Variants in CCSER1 observed in about 807,000 individuals in gnomAD.
CCSER1 encodes the protein serine-rich coiled-coil domain-containing protein 1.
CCSER1 carries 41 observed loss-of-function variants against 82.0 expected under a neutral mutation model. The observed-to-expected ratio is 0.50, with a 90% confidence interval of 0.39 to 0.65. The LOEUF (loss-of-function observed/expected upper bound fraction) is 0.65, where lower values mean the gene tolerates loss of function less well. Ranked by LOEUF, CCSER1 falls within the 30% of genes least tolerant of loss-of-function variation. CCSER1 has a pLI of 0.00. For synonymous variants in CCSER1, 414 were observed against 383.9 expected, an observed-to-expected ratio of 1.08 and a Z score of -0.92; for missense variants, 1,119 against 1,064.2, an observed-to-expected ratio of 1.05 and a Z score of -0.72.
intron 10 of CCSER1, among the ~76,000 whole-genome samples, chr4:91,412,545 A>T (rs1753119743): frequency 6.6e-6 from 1 of 152,082 alleles, no homozygotes; most frequent in Non-Finnish European, 1.5e-5. Context: ...TCCTTATGGA[A>T]GTCCAACCCA....
intron 10 of CCSER1, among the ~76,000 whole-genome samples, chr4:91,315,974 A>C (rs1745801493): frequency 6.6e-6 from 1 of 151,944 alleles, no homozygotes; most frequent in African/African-American, 2.4e-5. Context: ...GTGGGAGGTA[A>C]TTTAATCATA....
intron 9 of CCSER1, among the ~76,000 whole-genome samples, chr4:90,993,761 T>G (rs1410417133): frequency 6.6e-6 from 1 of 152,068 alleles, no homozygotes; most frequent in African/African-American, 2.4e-5. Flanking sequence ...CACACCCTCA[T>G]TATTTAATTA....
At chr4:91,505,808 A>G (rs1306701953) in intron 10 of CCSER1, among the ~76,000 whole-genome samples, 1 of 151,894 alleles carries the variant, frequency 6.6e-6, no homozygotes, top group African/African-American at 2.4e-5. Flanking sequence ...GTTTCTTGTA[A>G]ATTTAAGTTC....
intron 1 of CCSER1, among the ~76,000 whole-genome samples, chr4:90,276,334 T>C (rs1348095544): frequency 1.4e-5 from 2 of 142,874 alleles, no homozygotes; most frequent in Non-Finnish European, 3.0e-5. Flanking sequence ...TCTTTCTTTC[T>C]TTCTTCTTTC....
chr4:90,195,130 T>C (rs1736356515), intron 1 of CCSER1, among the ~76,000 whole-genome samples: 1 of 152,102 alleles, frequency 6.6e-6, no homozygotes, highest in Non-Finnish European at 1.5e-5. Flanking sequence ...AAGCTTGTAT[T>C]CACACAGAAA....
intron 10 of CCSER1, among the ~76,000 whole-genome samples, chr4:91,364,212 T>C (rs1749452858): frequency 6.6e-6 from 1 of 152,114 alleles, no homozygotes; most frequent in Admixed American, 6.6e-5. Context: ...AATAGCATAG[T>C]GCAGTAGCTC....
chr4:90,284,060 A>G (rs1729375292), intron 1 of CCSER1, among the ~76,000 whole-genome samples: 1 of 151,962 alleles, frequency 6.6e-6, no homozygotes, highest in South Asian at 2.1e-4. Context: ...TTTGATTTGC[A>G]TTTCTCTTAT....
At chr4:90,156,591 C>T (rs1022072988) in intron 1 of CCSER1, among the ~76,000 whole-genome samples, 1 of 152,180 alleles carries the variant, frequency 6.6e-6, no homozygotes, top group African/African-American at 2.4e-5. Context: ...GGATAGTTAG[C>T]TCTTCTTGTT....
chr4:91,446,207 A>G (rs978515524), intron 10 of CCSER1, among the ~76,000 whole-genome samples: 1 of 49,202 alleles, frequency 2.0e-5, no homozygotes, highest in Non-Finnish European at 4.0e-5. Context: ...TTTATTCCTC[A>G]TACTTTTTTG....
chr4:91,542,080 A>G (rs891830100), intron 10 of CCSER1, among the ~76,000 whole-genome samples: 55 of 151,646 alleles, frequency 3.6e-4, no homozygotes, highest in African/African-American at 1.1e-3. Context: ...GGGTTGTTTG[A>G]TTTTTTCTTG....
At chr4:90,146,696 T>C (rs1725869803) in intron 1 of CCSER1, among the ~76,000 whole-genome samples, 2 of 152,130 alleles carry the variant, frequency 1.3e-5, no homozygotes, top group Admixed American at 1.3e-4. Context: ...TAAAATACCT[T>C]AATAATTTAT....
At chr4:90,221,276 A>G (rs992593766) in intron 1 of CCSER1, among the ~76,000 whole-genome samples, 1 of 152,138 alleles carries the variant, frequency 6.6e-6, no homozygotes, top group African/African-American at 2.4e-5. Flanking sequence ...TAATATGAAG[A>G]GGTTATGTTC....
intron 1 of CCSER1, among the ~76,000 whole-genome samples, chr4:90,178,436 A>G (rs1578346376): frequency 6.6e-6 from 1 of 151,986 alleles, no homozygotes; most frequent in East Asian, 1.9e-4. Flanking sequence ...ATACTTTTAT[A>G]TTGGCTTTTT....
At chr4:91,291,591 G>C (rs527697219) in intron 10 of CCSER1, among the ~76,000 whole-genome samples, 1 of 151,888 alleles carries the variant, frequency 6.6e-6, no homozygotes, top group Non-Finnish European at 1.5e-5. Context: ...AGAGAAGGGA[G>C]GTGCCAAAGA....
chr4:90,415,359 G>A (rs911127214), intron 4 of CCSER1, among the ~76,000 whole-genome samples: 4 of 152,130 alleles, frequency 2.6e-5, no homozygotes, highest in African/African-American at 9.7e-5. Context: ...AAAGCTTGGA[G>A]CCTTATAAGG....
chr4:91,483,287 A>G (rs1758046026), intron 10 of CCSER1, among the ~76,000 whole-genome samples: 1 of 152,214 alleles, frequency 6.6e-6, no homozygotes, highest in Non-Finnish European at 1.5e-5. Flanking sequence ...ATTTGATGTT[A>G]CATTTCTAGC....
intron 1 of CCSER1, among the ~76,000 whole-genome samples, chr4:90,266,435 G>A (rs969576056): frequency 7.4e-6 from 1 of 135,594 alleles, no homozygotes; most frequent in Non-Finnish European, 1.6e-5. Context: ...TTTTTTTTTT[G>A]TGGAGCAAGA....
intron 10 of CCSER1, among the ~76,000 whole-genome samples, chr4:91,251,901 A>C (rs1219916909): frequency 6.6e-6 from 1 of 152,148 alleles, no homozygotes; most frequent in Non-Finnish European, 1.5e-5. Flanking sequence ...CAGAAGAGGT[A>C]TGGTTAGGGT....
At chr4:90,423,528 CA>C (rs1390327492) in intron 4 of CCSER1, among the ~76,000 whole-genome samples, 1 of 151,484 alleles carries the variant, frequency 6.6e-6, no homozygotes, top group Non-Finnish European at 1.5e-5. Flanking sequence ...CTGGCTCCAC[CA>C]GGTGATTCAT....
Sources: gnomAD v4.1 joint callset for allele counts (sites outside exome capture counted in the v4.1 genomes callset) on GRCh38, gnomAD v4.1.1 for gene constraint, MANE v1.5 for transcripts, NCBI Gene and HGNC (gene_info 2026-07-23, HGNC 2026-07-21) for gene names.